ESR1: variants seen among roughly 807,000 people sequenced by gnomAD.
The protein encoded by ESR1 is estrogen receptor 1, also known as estrogen receptor.
ESR1 carries 12 observed loss-of-function variants against 52.7 expected under a neutral mutation model. That is an observed-to-expected ratio of 0.23 (90% confidence interval 0.15 to 0.37). ESR1 has a LOEUF of 0.37. Among genes scored for constraint, ESR1 ranks in the 10% least tolerant of loss-of-function variants. The pLI is 1.00. For synonymous variants in ESR1, 305 were observed against 316.8 expected, an observed-to-expected ratio of 0.96 and a Z score of 0.39; for missense variants, 584 against 779.7, an observed-to-expected ratio of 0.75 and a Z score of 2.99.
In ESR1 at chr6:152,090,850, C is replaced by T. The variant is rs138358948; in HGVS notation, c.1370-3535C>T. Among the ~76,000 whole-genome samples the T allele has an allele frequency of 4.3e-3, 659 of 152,272 alleles. 2 individuals are homozygous for T. Among genetic ancestry groups the T allele is most frequent in the African/African-American group, 0.015 (611 of 41,552 alleles). ...CACTCCCCTTTCGTTTGTACCACTC[C>T]GTTTCCCCAGACTCTTCCTAAATAT... On this transcript the variant is annotated intron_variant, in intron 6 of 7. Coordinates refer to ENST00000206249, the MANE Select transcript of ESR1 (RefSeq NM_000125.4).
At chr6:151,979,505 T>C (rs1317531216) in intron 4 of ESR1, among the ~76,000 whole-genome samples, 1 of 152,146 alleles carries the variant, frequency 6.6e-6, no homozygotes, top group African/African-American at 2.4e-5. Flanking sequence ...AAGAGAGTTA[T>C]GCCCTTATTT....
chr6:151,776,019 T>C (rs1252773970), intron 2 of ESR1, among the ~76,000 whole-genome samples: 1 of 152,192 alleles, frequency 6.6e-6, no homozygotes, highest in Non-Finnish European at 1.5e-5. Flanking sequence ...CTTAAATCCC[T>C]GAAAGGAGGC....
chr6:151,883,510 T>C (rs1764447512), intron 3 of ESR1, among the ~76,000 whole-genome samples: 1 of 151,910 alleles, frequency 6.6e-6, no homozygotes, highest in Non-Finnish European at 1.5e-5. Context: ...CCGAGCACTC[T>C]TGGTATCTCT....
At chr6:151,803,616 G>A (rs1273168114), upstream of ESR1, among the ~76,000 whole-genome samples, 1 of 152,130 alleles carries the variant, frequency 6.6e-6, no homozygotes, top group Non-Finnish European at 1.5e-5. Flanking sequence ...ATCCAAGAAA[G>A]TAAACAGGTT....
chr6:151,693,092 G>A (rs1779069695), intron 1 of ESR1, among the ~76,000 whole-genome samples: 1 of 152,224 alleles, frequency 6.6e-6, no homozygotes, highest in East Asian at 1.9e-4. Context: ...CTGCAAAGTG[G>A]GAGTACTAAC....
chr6:151,759,015 G>A (rs1022616302), intron 2 of ESR1, among the ~76,000 whole-genome samples: 2 of 151,942 alleles, frequency 1.3e-5, no homozygotes, highest in African/African-American at 4.8e-5. Context: ...AGTGGCTCAC[G>A]CCTGTAATCC....
At position 152,125,396 on chromosome 6, in the gene ESR1, G is replaced by A. The variant is rs754136026; in HGVS notation, c.*48G>A. On this transcript the variant is annotated 3_prime_UTR_variant, in exon 7 of 7. Transcript: ENST00000427531. ...CAGTATCCTGCAGATCATCAAATCC[G>A]TGTGTGGACGTGGGGACATTTTGTT... The A allele has an allele frequency of 1.1e-4, 163 of 1,526,924 alleles. No individual in the cohort carries two copies. The South Asian group carries it at 1.4e-3, about 13-fold the overall frequency. 94.6% of individuals were successfully genotyped at this position (1,526,924 alleles called of 1,614,324 possible). A position where few individuals can be genotyped will look rare whatever the true frequency, so the allele number is the denominator to read the frequency against.
chr6:151,830,694 C>A (rs1252110418), intron 1 of ESR1, among the ~76,000 whole-genome samples: 1 of 152,108 alleles, frequency 6.6e-6, no homozygotes, highest in Admixed American at 6.5e-5. Flanking sequence ...TAAAAAGATA[C>A]AGACTAAATG....
At chr6:151,953,070 A>G (rs1473905491) in intron 4 of ESR1, among the ~76,000 whole-genome samples, 3 of 152,172 alleles carry the variant, frequency 2.0e-5, no homozygotes, top group Non-Finnish European at 4.4e-5. Context: ...GACTGACTAT[A>G]GTATAGCTGC....
downstream of ESR1, among the ~76,000 whole-genome samples, chr6:152,106,666 G>A (rs908030600): frequency 1.3e-5 from 2 of 152,154 alleles, no homozygotes; most frequent in Non-Finnish European, 2.9e-5. Flanking sequence ...TCAGCTCACT[G>A]TAGCCTCCAT....
chr6:151,672,673 A>T (rs191585940), intron 1 of ESR1, among the ~76,000 whole-genome samples: 1 of 151,596 alleles, frequency 6.6e-6, no homozygotes, highest in East Asian at 2.0e-4. Flanking sequence ...AGGTTTCACC[A>T]TGTTGGCCAT....
intron 2 of ESR1, among the ~76,000 whole-genome samples, chr6:151,714,656 A>G (rs1019838796): frequency 1.2e-4 from 18 of 150,928 alleles, no homozygotes; most frequent in Non-Finnish European, 2.1e-4. Flanking sequence ...CTAGGACTGC[A>G]ACCCCTGCTT....
chr6:151,993,667 C>A (rs1283041610), intron 4 of ESR1, among the ~76,000 whole-genome samples: 2 of 152,196 alleles, frequency 1.3e-5, no homozygotes, highest in East Asian at 3.9e-4. Flanking sequence ...CAATTCATAA[C>A]TTGCTTTATT....
At position 152,099,206 on chromosome 6, in the gene ESR1, T is replaced by C; in HGVS notation, c.*240T>C. On this transcript the variant is annotated 3_prime_UTR_variant, in exon 8 of 8. Transcript: ENST00000206249. ...TCTTTGTAACAGCTCTCTTTCCCCC[T>C]TGCTATGTTACTAAGCGTGAGGATT... The C allele has an allele frequency of 1.8e-6, 1 of 564,326 alleles. No homozygotes were observed. Among genetic ancestry groups the C allele is most frequent in the Non-Finnish European group, 3.2e-6 (1 of 310,844 alleles). 35.0% of individuals were successfully genotyped at this position (564,326 alleles called of 1,614,324 possible).
At position 152,084,421 on chromosome 6, in the gene ESR1, T is replaced by TAA. The variant is rs112260689; in HGVS notation, c.1370-9955_1370-9954dup. Among the ~76,000 whole-genome samples, 274 of 144,242 alleles carry TAA rather than the reference T, an allele frequency of 1.9e-3. 3 individuals are homozygous for TAA. In the East Asian group the frequency reaches 0.028, roughly 15 times the overall value. 94.6% of individuals were successfully genotyped at this position (144,242 alleles called of 152,430 possible). A position where few individuals can be genotyped will look rare whatever the true frequency, so the allele number is the denominator to read the frequency against. ...CTGTACCCTAGAACTTAAAGTATAA[T>TAA]AAAAAAAAAAGAAAGAAAAGAAAAG... On this transcript the variant is annotated intron_variant, in intron 6 of 7. Transcript: ENST00000206249.
chr6:151,700,617 T>G (rs1779697238), intron 1 of ESR1, among the ~76,000 whole-genome samples: 1 of 151,734 alleles, frequency 6.6e-6, no homozygotes, highest in African/African-American at 2.4e-5. Context: ...ATAAATCTGT[T>G]GGAGTGCACC....
intron 5 of ESR1, among the ~76,000 whole-genome samples, chr6:152,026,568 A>T (rs2044161558): frequency 6.6e-6 from 1 of 151,880 alleles, no homozygotes; most frequent in African/African-American, 2.4e-5. Flanking sequence ...ATATTTATTG[A>T]TACCAACACA....
intron 2 of ESR1, among the ~76,000 whole-genome samples, chr6:151,730,381 G>C (rs535453607): frequency 1.3e-5 from 2 of 152,110 alleles, no homozygotes; most frequent in South Asian, 4.2e-4. Flanking sequence ...CACTGGTCCT[G>C]CCCTTTCTGA....
chr6:152,000,403 A>G (rs572334909), intron 4 of ESR1, among the ~76,000 whole-genome samples: 246 of 152,142 alleles, frequency 1.6e-3, no homozygotes, highest in Admixed American at 3.1e-3. Context: ...ACATAGAAAA[A>G]CTTAACAGTC....
Sources: gnomAD v4.1 joint callset for allele counts (sites outside exome capture counted in the v4.1 genomes callset) on GRCh38, gnomAD v4.1.1 for gene constraint, MANE v1.5 for transcripts, NCBI Gene and HGNC (gene_info 2026-07-23, HGNC 2026-07-21) for gene names.